SETD5: variants seen among roughly 807,000 people sequenced by gnomAD.
SETD5 encodes SET domain containing 5, also known as histone-lysine N-methyltransferase SETD5.
Under a neutral mutation model 153.3 loss-of-function variants are expected in SETD5, and 44 were observed. That is an observed-to-expected ratio of 0.29 (90% CI 0.23 to 0.37). The LOEUF (loss-of-function observed/expected upper bound fraction) is 0.37. Among genes scored for constraint, SETD5 ranks in the 10% least tolerant of loss-of-function variants. The pLI is 1.00. For synonymous variants in SETD5, 716 were observed against 645.2 expected (o/e 1.11, Z -1.66); for missense variants, 1,544 against 1,768.0 (o/e 0.87, Z 2.27).
At chr3:9,443,822 T>C (rs1474501583) in intron 11 of SETD5, among the ~76,000 whole-genome samples, 1 of 152,134 alleles carries the variant, frequency 6.6e-6, no homozygotes, top group Admixed American at 6.5e-5. Flanking sequence ...TCTCAACACT[T>C]TGGAAGGCTG....
intron 3 of SETD5, chr3:9,433,577 G>T (rs1008289253): frequency 1.5e-5 from 20 of 1,293,570 alleles, no homozygotes; most frequent in Admixed American, 4.7e-5. Flanking sequence ...GTTTGTGTTT[G>T]TCATTAGGGA....
Position 9,428,931 on chromosome 3 carries a change from T to C in SETD5, c.-8T>C, listed in dbSNP as rs182194074. On this transcript the variant is annotated 5_prime_UTR_variant, in exon 3 of 23. Transcript: ENST00000402198. ...CCGTGATTTCCAATCTCTGCTGTGT[T>C]GGACGTCATGAGCATTGCAATCCCT... is the stretch of plus-strand genomic sequence containing the variant. 2 of 1,611,752 alleles carry C rather than the reference T, an allele frequency of 1.2e-6. No individual in the cohort carries two copies. Among genetic ancestry groups the C allele is most frequent in the Admixed American group, 3.3e-5 (2 of 59,886 alleles).
At chr3:9,443,035 A>G (rs2041500427) in intron 10 of SETD5, 1 of 324,320 alleles carries the variant, frequency 3.1e-6, no homozygotes, top group South Asian at 2.6e-5. Context: ...GCAAGACTGT[A>G]TCTCAAAAAA....
chr3:9,423,033 A>G (rs1181970883), intron 1 of SETD5, among the ~76,000 whole-genome samples: 2 of 152,176 alleles, frequency 1.3e-5, no homozygotes, highest in Non-Finnish European at 2.9e-5. Flanking sequence ...TTGGTTGTTT[A>G]TTGGACTTTT....
chr3:9,413,711 A>G (rs1487125954), intron 1 of SETD5, among the ~76,000 whole-genome samples: 1 of 147,818 alleles, frequency 6.8e-6, no homozygotes, highest in Non-Finnish European at 1.5e-5. Context: ...TTTTAAGTTA[A>G]TTGGCCTCTT....
At chr3:9,460,838 TTC>T (rs1312497821) in intron 17 of SETD5, among the ~76,000 whole-genome samples, 7 of 152,190 alleles carry the variant, frequency 4.6e-5, no homozygotes, top group African/African-American at 1.7e-4. Context: ...AAATAAAATG[TTC>T]TTTTTTAATT....
At chr3:9,416,141 T>C (rs1453779253) in intron 1 of SETD5, among the ~76,000 whole-genome samples, 1 of 152,008 alleles carries the variant, frequency 6.6e-6, no homozygotes, top group Non-Finnish European at 1.5e-5. Context: ...CATTTTTCCA[T>C]TGGAAGGTGT....
chr3:9,474,726 C>T, intron 21 of SETD5, 144 bp downstream of exon 21: 2 of 1,102,494 alleles, frequency 1.8e-6, no homozygotes, highest in Non-Finnish European at 2.6e-6. Flanking sequence ...CCCACTTATG[C>T]TCATTTGGGC....
chr3:9,414,044 GA>G (rs1238098850), intron 1 of SETD5, among the ~76,000 whole-genome samples: 2 of 152,282 alleles, frequency 1.3e-5, no homozygotes, highest in Non-Finnish European at 1.5e-5. Flanking sequence ...CAAAGTGCTG[GA>G]ATTACAGGTG....
intron 1 of SETD5, chr3:9,398,527 C>G (rs2034139131): frequency 6.6e-6 from 1 of 152,296 alleles, no homozygotes; most frequent in Non-Finnish European, 1.5e-5. Flanking sequence ...ATTACCTTCG[C>G]CACCCCCACC....
At chr3:9,447,422 T>G in intron 14 of SETD5, 115 bp downstream of exon 14, 1 of 1,393,442 alleles carries the variant, frequency 7.2e-7, no homozygotes, top group South Asian at 1.4e-5. Flanking sequence ...TCACAATAAA[T>G]AAGGCCATTA....
chr3:9,398,136 C>T (rs1036799494), intron 1 of SETD5, among the ~76,000 whole-genome samples, 159 bp downstream of exon 1: 1 of 151,776 alleles, frequency 6.6e-6, no homozygotes, highest in African/African-American at 2.4e-5. Flanking sequence ...CCCCTCGCCG[C>T]CTTGCACACA....
chr3:9,407,518 G>A (rs778954200), intron 1 of SETD5, among the ~76,000 whole-genome samples: 2 of 151,992 alleles, frequency 1.3e-5, no homozygotes, highest in Non-Finnish European at 2.9e-5. Flanking sequence ...GTAGTACACC[G>A]AGCAACAAGA....
intron 20 of SETD5, 104 bp downstream of exon 20, chr3:9,473,641 G>T: frequency 8.5e-7 from 1 of 1,179,284 alleles, no homozygotes. Context: ...CACTTGATGG[G>T]AACATCTGAG....
intron 7 of SETD5, among the ~76,000 whole-genome samples, chr3:9,437,860 AGGCGT>A (rs2040776009): frequency 6.6e-6 from 1 of 151,960 alleles, no homozygotes; most frequent in Non-Finnish European, 1.5e-5. Context: ...AAAATTAGCC[AGGCGT>A]GGTGGCAGGC....
intron 1 of SETD5, among the ~76,000 whole-genome samples, chr3:9,398,872 C>T (rs1242171031): frequency 6.6e-6 from 1 of 152,204 alleles, no homozygotes; most frequent in Non-Finnish European, 1.5e-5. Flanking sequence ...ACTTCTTGGG[C>T]GTCAGTGGTC....
intron 18 of SETD5, among the ~76,000 whole-genome samples, chr3:9,465,798 C>A (rs2044485346): frequency 6.6e-6 from 1 of 152,172 alleles, no homozygotes; most frequent in East Asian, 1.9e-4. Flanking sequence ...TTATGAAATT[C>A]TTTCAGCCAG....
chr3:9,436,716 T>A, intron 7 of SETD5: 1 of 691,738 alleles, frequency 1.4e-6, no homozygotes, highest in African/African-American at 1.8e-5. Context: ...GGGAATTCCA[T>A]TGTATTTTTT....
chr3:9,439,490 T>G (rs2041007604), intron 7 of SETD5, among the ~76,000 whole-genome samples: 1 of 152,218 alleles, frequency 6.6e-6, no homozygotes, highest in Non-Finnish European at 1.5e-5. Context: ...GATTTTCAAG[T>G]AGCTTTGGTA....
Sources: allele counts gnomAD v4.1 joint callset (sites outside exome capture counted in the v4.1 genomes callset), GRCh38; gene constraint gnomAD v4.1.1; transcripts MANE v1.5; gene names NCBI Gene and HGNC (gene_info 2026-07-23, HGNC 2026-07-21).